Variants in RPRD1A observed in about 807,000 individuals in gnomAD.
RPRD1A encodes the protein regulation of nuclear pre-mRNA domain containing 1A.
In RPRD1A, 9 loss-of-function variants were observed where a neutral mutation model predicts 37.8. That is an observed-to-expected ratio of 0.24 (90% confidence interval 0.14 to 0.42). RPRD1A has a LOEUF of 0.42. Among genes scored for constraint, RPRD1A ranks in the 10% least tolerant of loss-of-function variants. The pLI is 1.00. For missense variants in RPRD1A, 255 were observed against 371.0 expected (o/e 0.69, Z 2.57); for synonymous variants, 138 against 139.7 (o/e 0.99, Z 0.08).
At chr18:36,029,236 CCA>C (rs1408229546) in intron 4 of RPRD1A, among the ~76,000 whole-genome samples, 1 of 152,100 alleles carries the variant, frequency 6.6e-6, no homozygotes, top group African/African-American at 2.4e-5. Context: ...TAATATAAAT[CCA>C]CAGTTACAGG....
At chr18:35,997,491 A>G (rs1212342706) in intron 6 of RPRD1A, among the ~76,000 whole-genome samples, 1 of 150,854 alleles carries the variant, frequency 6.6e-6, no homozygotes, top group Admixed American at 6.6e-5. Flanking sequence ...TTCATAAGCA[A>G]AACATTCAAC....
chr18:36,033,983 C>A (rs917640087), intron 1 of RPRD1A, 146 bp from the exon 2 acceptor site: 4 of 592,196 alleles, frequency 6.8e-6, no homozygotes, highest in Non-Finnish European at 1.1e-5. Context: ...CATTTTACTA[C>A]CAAACTAACC....
At position 36,050,710 on chromosome 18, in the gene RPRD1A, T is replaced by C. The variant is rs550802377; in HGVS notation, c.151+16544A>G. Reference sequence around the variant, plus strand: ...CACTACCACAACCAGCTAATTTTTGTATTTTTTTTTTTTTTGTAGAGACAG... The same window carrying C: ...CACTACCACAACCAGCTAATTTTTGCATTTTTTTTTTTTTTGTAGAGACAG... On this transcript the variant is annotated intron_variant, in intron 1 of 6. Coordinates refer to ENST00000399022, the MANE Select transcript of RPRD1A (RefSeq NM_018170.5). Among the ~76,000 whole-genome samples the C allele has an allele frequency of 2.8e-4, 39 of 139,952 alleles. No homozygotes were observed. In the South Asian group the frequency reaches 8.2e-3, roughly 29 times the overall value. 91.8% of individuals were successfully genotyped at this position (139,952 alleles called of 152,430 possible).
At chr18:36,063,576 C>G (rs1236951415) in intron 1 of RPRD1A, among the ~76,000 whole-genome samples, 2 of 152,208 alleles carry the variant, frequency 1.3e-5, no homozygotes, top group Non-Finnish European at 2.9e-5. Context: ...AACTAATTTT[C>G]TTTAGTTTGT....
chr18:36,033,637 G>A, intron 2 of RPRD1A, 71 bp downstream of exon 2: 2 of 1,353,098 alleles, frequency 1.5e-6, no homozygotes, highest in South Asian at 1.8e-5. Context: ...AATAGTTTAA[G>A]GCAAATTTTA....
intron 6 of RPRD1A, among the ~76,000 whole-genome samples, chr18:36,009,028 T>C (rs192796857): frequency 6.6e-6 from 1 of 152,246 alleles, no homozygotes; most frequent in East Asian, 1.9e-4. Flanking sequence ...TATTCAGGCA[T>C]TTTCAGCAGT....
chr18:36,050,463 T>C (rs1913302123), intron 1 of RPRD1A, among the ~76,000 whole-genome samples: 1 of 152,056 alleles, frequency 6.6e-6, no homozygotes, highest in Admixed American at 6.6e-5. Flanking sequence ...ATCATCAAGA[T>C]GTGTGTCATA....
intron 6 of RPRD1A, among the ~76,000 whole-genome samples, chr18:36,016,402 T>C (rs1910579028): frequency 6.6e-6 from 1 of 152,170 alleles, no homozygotes; most frequent in Non-Finnish European, 1.5e-5. Flanking sequence ...TTTGTATTTT[T>C]AGTAGAAACA....
chr18:35,991,911 A>G lies in RPRD1A; in HGVS notation c.*1240T>C, dbSNP rs1347914707. 1.3e-5 allele frequency: 2 copies of G among 152,340 alleles called. No individual in the cohort carries two copies. The highest frequency in any genetic ancestry group is 2.4e-5 in the African/African-American group (1 of 41,448). 9.4% of individuals were successfully genotyped at this position (152,340 alleles called of 1,614,324 possible). ...ATTTGAATCTACTTACAAAGAGAAG[A>G]AAAATGTCTAGTATGTAAAGCAATG... On this transcript the variant is annotated 3_prime_UTR_variant, in exon 7 of 7. Coordinates refer to ENST00000399022, the MANE Select transcript of RPRD1A (RefSeq NM_018170.5).
chr18:36,064,849 T>C (rs1177249074), intron 1 of RPRD1A, among the ~76,000 whole-genome samples: 5 of 152,096 alleles, frequency 3.3e-5, no homozygotes, highest in Non-Finnish European at 7.4e-5. Flanking sequence ...CTTTATGAGC[T>C]GTAACACTCA....
At chr18:36,020,626 A>G (rs1910933408) in intron 6 of RPRD1A, among the ~76,000 whole-genome samples, 1 of 152,162 alleles carries the variant, frequency 6.6e-6, no homozygotes, top group Non-Finnish European at 1.5e-5. Context: ...AAAGCAATAA[A>G]AATAAATAGT....
intron 6 of RPRD1A, among the ~76,000 whole-genome samples, chr18:36,000,295 G>T (rs1909335870): frequency 6.6e-6 from 1 of 152,062 alleles, no homozygotes. Flanking sequence ...TCTTTTCACA[G>T]GTTATCCTAT....
At chr18:36,031,188 C>T in intron 2 of RPRD1A, 91 bp from the exon 3 acceptor site, 1 of 1,379,988 alleles carries the variant, frequency 7.2e-7, no homozygotes, top group Non-Finnish European at 9.5e-7. Context: ...TAAATATAAT[C>T]AGACATTCAT....
In RPRD1A at chr18:36,027,060, T is replaced by C; in HGVS notation, c.629A>G (p.Glu210Gly). 1.2e-6 allele frequency: 2 copies of C among 1,613,914 alleles called. No homozygotes were observed. Among genetic ancestry groups the C allele is most frequent in the Non-Finnish European group, 1.7e-6 (2 of 1,179,864 alleles). ...LDKITDKESGERLSKMVEDAC... is the reference protein window; with the variant it reads ...LDKITDKESGGRLSKMVEDAC... ...ATCCTCTACCATTTTGGAAAGCCTT[T>C]CTCCAGATTCTTTATCTAAGAAAAG... The change falls in exon 6 of 7, where the codon GAA becomes GGA. Residue 210 changes from glutamate (E) to glycine (G), a missense_variant. Coordinates refer to ENST00000399022, the MANE Select transcript of RPRD1A (RefSeq NM_018170.5).
At chr18:36,009,999 G>A (rs1363039024) in intron 6 of RPRD1A, among the ~76,000 whole-genome samples, 1 of 151,996 alleles carries the variant, frequency 6.6e-6, no homozygotes, top group Non-Finnish European at 1.5e-5. Context: ...GCCATCAACA[G>A]ACATGTAATG....
intron 6 of RPRD1A, among the ~76,000 whole-genome samples, chr18:36,019,762 G>A (rs540983757): frequency 1.3e-4 from 20 of 152,260 alleles, no homozygotes; most frequent in East Asian, 9.7e-4. Context: ...TTGGACGGCC[G>A]GGTGTGGTGG....
chr18:36,033,476 G>A (rs1461542257), intron 2 of RPRD1A, among the ~76,000 whole-genome samples: 1 of 151,940 alleles, frequency 6.6e-6, no homozygotes, highest in African/African-American at 2.4e-5. Flanking sequence ...AAGGAAAGCT[G>A]TAATTCAAGT....
At position 36,027,536 on chromosome 18, in the gene RPRD1A, A is replaced by G. The variant is rs1378327757; in HGVS notation, c.487-226T>C. 4 of 436,362 alleles carry G rather than the reference A, an allele frequency of 9.2e-6. No homozygotes were observed. The East Asian group carries it at 1.4e-4, about 15-fold the overall frequency. 27.0% of individuals were successfully genotyped at this position (436,362 alleles called of 1,614,324 possible). ...GGACAAGGCCCTAGACCTTGAAGAG[A>G]GCTTACTCCAGTGGTGGAGACAGAG... On this transcript the variant is annotated intron_variant, in intron 4 of 6. Transcript: ENST00000399022.
intron 6 of RPRD1A, chr18:36,025,964 G>A (rs1911341527): frequency 4.9e-6 from 1 of 202,450 alleles, no homozygotes; most frequent in Admixed American, 5.4e-5. Flanking sequence ...CAGAGAAGGA[G>A]TAAATTGCAA....
Sources: gnomAD v4.1 joint callset for allele counts (sites outside exome capture counted in the v4.1 genomes callset) on GRCh38, gnomAD v4.1.1 for gene constraint, MANE v1.5 for transcripts, NCBI Gene and HGNC (gene_info 2026-07-23, HGNC 2026-07-21) for gene names.